ROBO1: variants seen among roughly 807,000 people sequenced by gnomAD.
ROBO1 encodes the protein roundabout homolog 1.
In ROBO1, 149 loss-of-function variants were observed where a neutral mutation model predicts 195.9. The observed-to-expected ratio is 0.76, with a 90% CI of 0.67 to 0.87. The LOEUF is 0.87. Among genes scored for constraint, ROBO1 ranks in the 40% least tolerant of loss-of-function variants. The pLI, the probability that ROBO1 is intolerant of heterozygous loss-of-function variation, is 0.00. For missense variants in ROBO1, 1,933 were observed against 2,068.3 expected (o/e 0.93, Z 1.27); for synonymous variants, 816 against 733.2 (o/e 1.11, Z -1.82).
intron 2 of ROBO1, among the ~76,000 whole-genome samples, chr3:79,465,167 A>T (rs77021884): frequency 0.051 from 7,726 of 152,214 alleles, 538 homozygotes; most frequent in African/African-American, 0.15. Context: ...TTATGCACTT[A>T]CTATGAAAAT....
At position 78,600,183 on chromosome 3, in the gene ROBO1, C is replaced by T. The variant is rs1023702083; in HGVS notation, c.4871G>A (p.Arg1624Gln). The T allele has an allele frequency of 1.8e-5, 29 of 1,613,424 alleles. No homozygotes were observed. The highest frequency in any genetic ancestry group is 2.3e-5 in the Non-Finnish European group (27 of 1,179,626). Reference protein sequence around the residue: ...SRQREQANVGRRNIAEMQVLG... With the variant: ...SRQREQANVGQRNIAEMQVLG... ...TACCTGCATTTCTGCAATATTTCTTCGACCTACATTTGCTTGTTCTCTTTG... is the reference window on the plus strand; with the variant it reads ...TACCTGCATTTCTGCAATATTTCTTTGACCTACATTTGCTTGTTCTCTTTG... Residue 1624 changes from arginine (R) to glutamine (Q), a missense_variant, in exon 30 of 31, where the codon CGA becomes CAA. Arg to Gln is a conservative substitution (Grantham distance 43, BLOSUM62 1). Around this residue, in one of 3 missense-constraint regions of ROBO1, gnomAD observed 1,737 missense variants for 1,882.5 expected, o/e 0.92. Coordinates refer to ENST00000464233, the MANE Select transcript of ROBO1 (RefSeq NM_002941.4).
At chr3:79,184,976 C>T (rs2081412194) in intron 2 of ROBO1, among the ~76,000 whole-genome samples, 1 of 152,080 alleles carries the variant, frequency 6.6e-6, no homozygotes, top group African/African-American at 2.4e-5. Flanking sequence ...CCAGACTCTT[C>T]CATGTCCACA....
At chr3:79,344,778 T>C (rs2109239249) in intron 2 of ROBO1, among the ~76,000 whole-genome samples, 1 of 152,158 alleles carries the variant, frequency 6.6e-6, no homozygotes, top group East Asian at 1.9e-4. Context: ...TTAAATCTCA[T>C]CCCCAGTTGT....
chr3:79,221,201 G>T (rs927698096), intron 2 of ROBO1, among the ~76,000 whole-genome samples: 2 of 151,870 alleles, frequency 1.3e-5, no homozygotes, highest in Admixed American at 1.3e-4. Context: ...ACAGACAAGG[G>T]GAAGATAATC....
intron 2 of ROBO1, among the ~76,000 whole-genome samples, chr3:79,365,411 C>T (rs2035932560): frequency 1.3e-5 from 2 of 152,122 alleles, no homozygotes; most frequent in Non-Finnish European, 2.9e-5. Context: ...TATCATAGCC[C>T]CATGGGAACT....
chr3:79,345,714 G>T (rs1180988696), intron 2 of ROBO1, among the ~76,000 whole-genome samples: 3 of 152,070 alleles, frequency 2.0e-5, no homozygotes, highest in Non-Finnish European at 4.4e-5. Flanking sequence ...AATGCCTACA[G>T]AGGCAAAGTT....
At chr3:78,714,555 A>G in intron 7 of ROBO1, 31 bp from the exon 8 acceptor site, 1 of 1,591,238 alleles carries the variant, frequency 6.3e-7, no homozygotes, top group Non-Finnish European at 8.6e-7. Context: ...AGCACAGTTA[A>G]GTGACTTTCT....
At chr3:79,696,611 G>T (rs1947457212) in intron 1 of ROBO1, among the ~76,000 whole-genome samples, 1 of 150,988 alleles carries the variant, frequency 6.6e-6, no homozygotes, top group Admixed American at 6.6e-5. Context: ...AATTAATAAG[G>T]ATAATATCAT....
At position 78,802,084 on chromosome 3, in the gene ROBO1, A is replaced by AT. The variant is rs1420724612; in HGVS notation, c.500-55185dup. ...TGGTCTTTATTTCCATTACTATGCA[A>AT]TTAACATCAGATGATTCAACAGGCT... On this transcript the variant is annotated intron_variant, in intron 4 of 30. Coordinates refer to ENST00000464233, the MANE Select transcript of ROBO1 (RefSeq NM_002941.4). Among the ~76,000 whole-genome samples the AT allele has an allele frequency of 3.2e-4, 49 of 152,246 alleles. No homozygotes were observed. In the East Asian group the frequency reaches 6.8e-3, roughly 21 times the overall value.
At chr3:78,650,420 C>T (rs1166197678) in intron 19 of ROBO1, among the ~76,000 whole-genome samples, 5 of 152,094 alleles carry the variant, frequency 3.3e-5, no homozygotes, top group Admixed American at 6.6e-5. Flanking sequence ...CACAGGCAGG[C>T]GGCAAGGAGA....
chr3:79,188,382 A>G (rs960875211), intron 2 of ROBO1, among the ~76,000 whole-genome samples: 2 of 151,882 alleles, frequency 1.3e-5, no homozygotes, highest in Admixed American at 6.6e-5. Context: ...TTTTGTTACT[A>G]TAATAGTAAT....
chr3:79,001,101 T>C (rs1227691519), intron 3 of ROBO1, among the ~76,000 whole-genome samples: 2 of 151,460 alleles, frequency 1.3e-5, no homozygotes, highest in African/African-American at 4.9e-5. Flanking sequence ...AAGGGGAACA[T>C]CACACACCGG....
intron 3 of ROBO1, among the ~76,000 whole-genome samples, chr3:79,017,450 A>AGAGTGTGTGT (rs71631636): frequency 1.5e-5 from 2 of 133,512 alleles, no homozygotes; most frequent in East Asian, 4.5e-4. Flanking sequence ...TCCGAGGTGC[A>AGAGTGTGTGT]GTGTGTGTGT....
At chr3:79,698,119 A>C (rs1219318160) in intron 1 of ROBO1, among the ~76,000 whole-genome samples, 1 of 151,526 alleles carries the variant, frequency 6.6e-6, no homozygotes, top group East Asian at 1.9e-4. Flanking sequence ...ACTTTTTCTC[A>C]GTGATATACT....
intron 1 of ROBO1, among the ~76,000 whole-genome samples, chr3:79,611,219 C>A (rs1944646577): frequency 6.6e-6 from 1 of 151,918 alleles, no homozygotes; most frequent in African/African-American, 2.4e-5. Flanking sequence ...TTCCACGGTT[C>A]TTCAGTATGA....
At chr3:78,620,444 G>A (rs1704385625) in intron 26 of ROBO1, among the ~76,000 whole-genome samples, 1 of 152,030 alleles carries the variant, frequency 6.6e-6, no homozygotes, top group Admixed American at 6.5e-5. Flanking sequence ...CCCGGGAGGA[G>A]GAGGTTGCAG....
At chr3:79,366,760 C>T (rs1469507320) in intron 2 of ROBO1, among the ~76,000 whole-genome samples, 1 of 152,128 alleles carries the variant, frequency 6.6e-6, no homozygotes, top group Non-Finnish European at 1.5e-5. Flanking sequence ...ATCCTCTCGA[C>T]GTTCACTTCC....
intron 3 of ROBO1, among the ~76,000 whole-genome samples, chr3:78,999,436 A>ACAGGAACAGAAAAC (rs1370443563): frequency 6.6e-6 from 1 of 152,142 alleles, no homozygotes; most frequent in Non-Finnish European, 1.5e-5. Flanking sequence ...GCAAATTTAC[A>ACAGGAACAGAAAAC]CAGGAACAGA....
rs140819889 is a variant in ROBO1, at chr3:78,793,512, G to C, written c.500-46612C>G. Among the ~76,000 whole-genome samples the C allele has an allele frequency of 1.8e-4, 28 of 152,268 alleles. No homozygotes were observed. The East Asian group carries it at 5.4e-3, about 29-fold the overall frequency. On this transcript the variant is annotated intron_variant, in intron 4 of 30. Transcript: ENST00000464233. ...ATGACAAGTAGGAGAAAATAAATGT[G>C]CTAAATGTGGGTCTAATTGCAGGTA...
Sources: allele counts gnomAD v4.1 joint callset (sites outside exome capture counted in the v4.1 genomes callset), GRCh38; gene constraint gnomAD v4.1.1; regional missense constraint gnomAD v4.1.1; transcripts MANE v1.5; gene names NCBI Gene and HGNC (gene_info 2026-07-23, HGNC 2026-07-21).